Variants in SPOCK1 observed in about 807,000 individuals in gnomAD.
SPOCK1 encodes SPARC (osteonectin), cwcv and kazal like domains proteoglycan 1.
SPOCK1 carries 23 observed loss-of-function variants against 55.3 expected under a neutral mutation model. The ratio of observed to expected loss-of-function variants is 0.42; its 90% CI spans 0.30 to 0.59. SPOCK1 has a LOEUF of 0.59. Among genes scored for constraint, SPOCK1 ranks in the 20% least tolerant of loss-of-function variants. The pLI is 0.22. For synonymous variants in SPOCK1, 226 were observed against 221.0 expected (o/e 1.02, Z -0.20); for missense variants, 499 against 552.5 (o/e 0.90, Z 0.97).
At chr5:137,044,284 T>C (rs908414839) in intron 6 of SPOCK1, among the ~76,000 whole-genome samples, 1 of 152,250 alleles carries the variant, frequency 6.6e-6, no homozygotes, top group African/African-American at 2.4e-5. Context: ...TTCCCATTTA[T>C]GCCCCAGCAA....
chr5:137,260,284 G>C (rs1756721570), intron 3 of SPOCK1, among the ~76,000 whole-genome samples: 1 of 152,118 alleles, frequency 6.6e-6, no homozygotes, highest in South Asian at 2.1e-4. Context: ...AAAACAGATG[G>C]AGTCAAGAGA....
chr5:137,228,930 C>T (rs1408176546), intron 3 of SPOCK1, among the ~76,000 whole-genome samples: 2 of 152,218 alleles, frequency 1.3e-5, no homozygotes, highest in Non-Finnish European at 2.9e-5. Context: ...GGTCTTGATT[C>T]ATGAATTTGT....
chr5:137,124,622 C>T (rs1753746532), intron 4 of SPOCK1, among the ~76,000 whole-genome samples: 1 of 152,216 alleles, frequency 6.6e-6, no homozygotes, highest in Non-Finnish European at 1.5e-5. Context: ...TCGAGACAGT[C>T]AGCAGTGTGC....
intron 2 of SPOCK1, among the ~76,000 whole-genome samples, chr5:137,414,011 C>A (rs778241612): frequency 6.6e-6 from 1 of 152,314 alleles, no homozygotes; most frequent in South Asian, 2.1e-4. Context: ...TGTCTCCCAA[C>A]TATTGGTTCA....
intron 3 of SPOCK1, among the ~76,000 whole-genome samples, chr5:137,175,534 T>C (rs1263851632): frequency 6.6e-6 from 1 of 152,230 alleles, no homozygotes; most frequent in Admixed American, 6.5e-5. Context: ...TATTAAGTGT[T>C]ATTGTCAGTC....
At chr5:137,317,859 A>G (rs1189319553) in intron 2 of SPOCK1, among the ~76,000 whole-genome samples, 2 of 152,204 alleles carry the variant, frequency 1.3e-5, no homozygotes, top group African/African-American at 4.8e-5. Flanking sequence ...AGTTTCCAAG[A>G]TCCGCATAGC....
intron 5 of SPOCK1, among the ~76,000 whole-genome samples, chr5:137,075,781 C>T (rs1280197198): frequency 6.6e-6 from 1 of 152,102 alleles, no homozygotes; most frequent in Non-Finnish European, 1.5e-5. Context: ...ACGTGCAGGC[C>T]CACCCCCAGC....
At chr5:137,490,125 T>G (rs1679785197) in intron 2 of SPOCK1, among the ~76,000 whole-genome samples, 1 of 152,244 alleles carries the variant, frequency 6.6e-6, no homozygotes, top group Non-Finnish European at 1.5e-5. Context: ...TTGAAGAACA[T>G]TTGTGTGACA....
At chr5:137,174,361 G>A (rs774658288) in intron 3 of SPOCK1, among the ~76,000 whole-genome samples, 1 of 152,218 alleles carries the variant, frequency 6.6e-6, no homozygotes, top group African/African-American at 2.4e-5. Flanking sequence ...ACCTAACTCA[G>A]TGGTAAAATT....
At chr5:137,308,937 C>T (rs573011575) in intron 2 of SPOCK1, among the ~76,000 whole-genome samples, 2 of 152,194 alleles carry the variant, frequency 1.3e-5, no homozygotes, top group South Asian at 4.2e-4. Context: ...GAAGTATGCA[C>T]ATTTACACAC....
chr5:136,979,001 A>C (rs987128123), intron 10 of SPOCK1, among the ~76,000 whole-genome samples, 157 bp from the exon 11 acceptor site: 2 of 152,180 alleles, frequency 1.3e-5, no homozygotes, highest in African/African-American at 4.8e-5. Context: ...CAGGGCATAC[A>C]TTACAAACTT....
intron 5 of SPOCK1, among the ~76,000 whole-genome samples, chr5:137,087,981 T>G (rs1334681033): frequency 6.6e-6 from 1 of 152,208 alleles, no homozygotes; most frequent in East Asian, 1.9e-4. Flanking sequence ...TACCACTTTC[T>G]CGTGTAAAGC....
At chr5:137,270,104 A>T (rs1015367489) in intron 2 of SPOCK1, among the ~76,000 whole-genome samples, 1 of 152,196 alleles carries the variant, frequency 6.6e-6, no homozygotes, top group Non-Finnish European at 1.5e-5. Context: ...CCTGAAGCTG[A>T]CAAAGTGCAG....
intron 5 of SPOCK1, among the ~76,000 whole-genome samples, chr5:137,097,140 AG>A (rs145032004): frequency 0.087 from 13,200 of 152,230 alleles, 757 homozygotes; most frequent in East Asian, 0.22. Flanking sequence ...ACTTACACAC[AG>A]GGAGGAGCTG....
At chr5:137,260,288 C>T (rs1042547137) in intron 3 of SPOCK1, among the ~76,000 whole-genome samples, 1 of 152,034 alleles carries the variant, frequency 6.6e-6, no homozygotes, top group Non-Finnish European at 1.5e-5. Context: ...CAGATGGAGT[C>T]AAGAGAAACA....
chr5:137,059,450 A>T (rs989218570), intron 6 of SPOCK1, among the ~76,000 whole-genome samples: 2 of 152,256 alleles, frequency 1.3e-5, no homozygotes, highest in Non-Finnish European at 2.9e-5. Flanking sequence ...CCAAACTGGG[A>T]TGATGGATTA....
Position 137,375,090 on chromosome 5 carries a change from T to A in SPOCK1, c.187-108035A>T, listed in dbSNP as rs1287164906. 5.9e-5 allele frequency among the ~76,000 whole-genome samples: 9 copies of A among 152,224 alleles called. No individual in the cohort carries two copies. The East Asian group carries it at 1.5e-3, about 26-fold the overall frequency. ...AAAAGAAAGATCCACTGCTAATTTTTAAAAAAATCATTGGAATAAACGATG... is the reference window on the plus strand; with the variant it reads ...AAAAGAAAGATCCACTGCTAATTTTAAAAAAAATCATTGGAATAAACGATG... On this transcript the variant is annotated intron_variant, in intron 2 of 10. Coordinates refer to ENST00000394945, the MANE Select transcript of SPOCK1 (RefSeq NM_004598.4).
rs139291787 is a variant in SPOCK1, at chr5:137,031,984, C to A, written c.589+35731G>T. Among the ~76,000 whole-genome samples, 36 of 148,352 alleles carry A rather than the reference C, an allele frequency of 2.4e-4. 1 individual carries two copies. In the East Asian group the frequency reaches 6.6e-3, roughly 27 times the overall value. ...ATGCATGTGTGTGTATATATACACACACGCATATACATAATATATAATAAA... is the reference window on the plus strand; with the variant it reads ...ATGCATGTGTGTGTATATATACACAAACGCATATACATAATATATAATAAA... On this transcript the variant is annotated intron_variant, in intron 6 of 10. Coordinates refer to ENST00000394945, the MANE Select transcript of SPOCK1 (RefSeq NM_004598.4).
chr5:137,310,008 T>C (rs1169368362), intron 2 of SPOCK1, among the ~76,000 whole-genome samples: 1 of 152,160 alleles, frequency 6.6e-6, no homozygotes, highest in African/African-American at 2.4e-5. Context: ...GCTTGCCTCT[T>C]TGTACAATAA....
Sources: allele counts gnomAD v4.1 joint callset (sites outside exome capture counted in the v4.1 genomes callset), GRCh38; gene constraint gnomAD v4.1.1; transcripts MANE v1.5; gene names NCBI Gene and HGNC (gene_info 2026-07-23, HGNC 2026-07-21).